Variants in METTL8 observed in about 807,000 individuals in gnomAD.
The protein encoded by METTL8 is methyltransferase 8, tRNA N3-cytidine, also known as tRNA N(3)-cytidine methyltransferase METTL8, mitochondrial.
In METTL8, 32 loss-of-function variants were observed where a neutral mutation model predicts 48.7. The observed-to-expected ratio is 0.66, with a 90% CI of 0.50 to 0.88. The LOEUF is 0.88. Among genes scored for constraint, METTL8 ranks in the 40% least tolerant of loss-of-function variants. The pLI, the probability that METTL8 is intolerant of heterozygous loss-of-function variation, is 0.00. For missense variants in METTL8, 464 were observed against 474.4 expected (o/e 0.98, Z 0.20); for synonymous variants, 136 against 157.1 (o/e 0.87, Z 1.01).
intron 1 of METTL8, among the ~76,000 whole-genome samples, chr2:171,416,312 G>C (rs1691310625): frequency 6.6e-6 from 1 of 152,198 alleles, no homozygotes. Context: ...AAAGGAGGTA[G>C]GTAGCTTCCC....
intron 3 of METTL8, among the ~76,000 whole-genome samples, chr2:171,353,017 A>C (rs1260714679): frequency 1.3e-5 from 2 of 151,930 alleles, no homozygotes; most frequent in Non-Finnish European, 2.9e-5. Context: ...CTAGCTTTTG[A>C]ATGTGTTTGC....
At position 171,317,307 on chromosome 2, in the gene METTL8, A is replaced by G. The variant is rs1199020315; in HGVS notation, c.*6865T>C. 6.6e-6 allele frequency: 1 copy of G among 152,242 alleles called. No individual in the cohort carries two copies. The highest frequency in any genetic ancestry group is 1.9e-4 in the East Asian group (1 of 5,206). The allele number at this position is 152,242 out of a possible 1,614,324, so 9.4% of individuals were successfully genotyped here. ...GCAATGAACTAGGAGCAATGGATTGAAAATATTTGGCCAAATAATTTTTAT... is the reference window on the plus strand; with the variant it reads ...GCAATGAACTAGGAGCAATGGATTGGAAATATTTGGCCAAATAATTTTTAT... On this transcript the variant is annotated 3_prime_UTR_variant, in exon 10 of 10. Coordinates refer to ENST00000375258, the MANE Select transcript of METTL8 (RefSeq NM_001321154.2).
chr2:171,386,217 GA>G (rs1265305444), intron 2 of METTL8, among the ~76,000 whole-genome samples: 2 of 152,026 alleles, frequency 1.3e-5, no homozygotes, highest in African/African-American at 2.4e-5. Flanking sequence ...GTCTAATGAA[GA>G]AAACAAAAAA....
intron 4 of METTL8, among the ~76,000 whole-genome samples, chr2:171,338,394 T>A (rs1459212679): frequency 1.3e-5 from 2 of 151,956 alleles, no homozygotes; most frequent in African/African-American, 4.8e-5. Context: ...TCCCAGCACT[T>A]TAGGAGGCTG....
intron 2 of METTL8, among the ~76,000 whole-genome samples, chr2:171,385,677 T>C (rs1282671508): frequency 2.6e-5 from 4 of 152,326 alleles, no homozygotes; most frequent in Middle Eastern, 3.4e-3. Context: ...GATGGATGGC[T>C]GTCTAGACTA....
At chr2:171,343,439 C>CAATAAATAAATAAATAAATA (rs574312068) in intron 3 of METTL8, among the ~76,000 whole-genome samples, 41 of 148,870 alleles carry the variant, frequency 2.8e-4, no homozygotes, top group African/African-American at 1.0e-3. Flanking sequence ...AACTCCATCT[C>CAATAAATAAATAAATAAATA]AATAAATAAA....
chr2:171,383,035 C>A (rs1687720968), intron 2 of METTL8, among the ~76,000 whole-genome samples: 1 of 152,114 alleles, frequency 6.6e-6, no homozygotes, highest in African/African-American at 2.4e-5. Flanking sequence ...GATCGAGCCA[C>A]TGCACTCCAG....
intron 1 of METTL8, among the ~76,000 whole-genome samples, chr2:171,423,790 C>A (rs1400823092): frequency 6.6e-6 from 1 of 152,106 alleles, no homozygotes; most frequent in East Asian, 1.9e-4. Flanking sequence ...AATGAAAAAC[C>A]CATATTCTGG....
chr2:171,418,065 T>C (rs959569079), intron 1 of METTL8, among the ~76,000 whole-genome samples: 3 of 152,130 alleles, frequency 2.0e-5, no homozygotes, highest in Non-Finnish European at 4.4e-5. Flanking sequence ...TGCCTTAGCC[T>C]CCCGAGTAGC....
rs368063075 is a variant in METTL8, at chr2:171,381,565, A to G, written c.143+10478T>C. Among the ~76,000 whole-genome samples, 11 of 152,290 alleles carry G rather than the reference A, an allele frequency of 7.2e-5. 1 individual carries two copies. The highest frequency in any genetic ancestry group is 2.6e-4 in the African/African-American group (11 of 41,568). On this transcript the variant is annotated intron_variant, in intron 2 of 9. Transcript: ENST00000375258. Reference sequence around the variant, plus strand: ...GTATTTAAACAAATTTACAAGAAAAAAAAACATCAAAAAGTGGGCAAAGGA... The same window carrying G: ...GTATTTAAACAAATTTACAAGAAAAGAAAACATCAAAAAGTGGGCAAAGGA...
At chr2:171,364,948 A>C (rs1367300512) in intron 2 of METTL8, among the ~76,000 whole-genome samples, 6 of 152,232 alleles carry the variant, frequency 3.9e-5, no homozygotes, top group South Asian at 2.1e-4. Flanking sequence ...TTAAAAAGAA[A>C]ATATTTATTC....
chr2:171,347,288 G>C (rs1683373533), intron 3 of METTL8, among the ~76,000 whole-genome samples: 1 of 152,146 alleles, frequency 6.6e-6, no homozygotes, highest in Admixed American at 6.5e-5. Flanking sequence ...TGCCTTTCCT[G>C]CTTCTACAGA....
At chr2:171,389,092 A>G (rs992891188) in intron 2 of METTL8, among the ~76,000 whole-genome samples, 17 of 152,186 alleles carry the variant, frequency 1.1e-4, no homozygotes, top group African/African-American at 4.1e-4. Flanking sequence ...TATATATCTC[A>G]TTTTAAATCA....
At chr2:171,357,150 G>T (rs1203836451) in intron 3 of METTL8, among the ~76,000 whole-genome samples, 1 of 151,536 alleles carries the variant, frequency 6.6e-6, no homozygotes, top group Non-Finnish European at 1.5e-5. Context: ...GTAGAGATAG[G>T]GTTTCACCAT....
intron 1 of METTL8, among the ~76,000 whole-genome samples, chr2:171,427,499 T>A (rs914170490): frequency 2.6e-5 from 4 of 152,226 alleles, no homozygotes; most frequent in African/African-American, 9.6e-5. Context: ...ACCTCTCTCC[T>A]GCACACTAAA....
chr2:171,416,746 T>C (rs1416059823), intron 1 of METTL8, among the ~76,000 whole-genome samples: 1 of 152,232 alleles, frequency 6.6e-6, no homozygotes, highest in Non-Finnish European at 1.5e-5. Context: ...CTGTTATCAC[T>C]GTTGTACAGA....
rs1051693302 is a variant in METTL8 at position 171,322,400 on chromosome 2, G to A, written c.*1772C>T. ...CCAAGAGAGGATTCTTGGATCTTGTGCAAGAAAGAATTGAGTCCATACAGC... is the reference window on the plus strand; with the variant it reads ...CCAAGAGAGGATTCTTGGATCTTGTACAAGAAAGAATTGAGTCCATACAGC... On this transcript the variant is annotated 3_prime_UTR_variant, in exon 10 of 10. Coordinates refer to ENST00000375258, the MANE Select transcript of METTL8 (RefSeq NM_001321154.2). The A allele has an allele frequency of 1.9e-4, 29 of 151,996 alleles. No individual in the cohort carries two copies. Among genetic ancestry groups the A allele is most frequent in the Admixed American group, 1.9e-3 (29 of 15,248 alleles). The allele number at this position is 151,996 out of a possible 1,614,324, so 9.4% of individuals were successfully genotyped here.
chr2:171,344,556 A>T (rs1687086243), intron 3 of METTL8, among the ~76,000 whole-genome samples: 1 of 152,256 alleles, frequency 6.6e-6, no homozygotes, highest in African/African-American at 2.4e-5. Flanking sequence ...TCATTAAGAC[A>T]GATCAGAAAT....
rs985004888 is a variant in METTL8, at chr2:171,319,575, C to T, written c.*4597G>A. On this transcript the variant is annotated 3_prime_UTR_variant, in exon 10 of 10. Transcript: ENST00000375258. Reference sequence around the variant, plus strand: ...CTAGAGTACAGCAACGACTTAGAATCACACACGGGTAGAAACCGGGACGTG... The same window carrying T: ...CTAGAGTACAGCAACGACTTAGAATTACACACGGGTAGAAACCGGGACGTG... The T allele has an allele frequency of 3.9e-5, 6 of 152,228 alleles. No individual in the cohort carries two copies. Among genetic ancestry groups the T allele is most frequent in the African/African-American group, 1.2e-4 (5 of 41,466 alleles). 9.4% of individuals were successfully genotyped at this position (152,228 alleles called of 1,614,324 possible). A position where few individuals can be genotyped will look rare whatever the true frequency, so the allele number is the denominator to read the frequency against.
Sources: gnomAD v4.1 joint callset for allele counts (sites outside exome capture counted in the v4.1 genomes callset) on GRCh38, gnomAD v4.1.1 for gene constraint, MANE v1.5 for transcripts, NCBI Gene and HGNC (gene_info 2026-07-23, HGNC 2026-07-21) for gene names.